DRC11: variants seen among roughly 807,000 people sequenced by gnomAD.
DRC11 encodes the protein dynein regulatory complex subunit 11.
At chr2:236,500,358 G>A in the DRC11 span, among the ~76,000 whole-genome samples, 1 of 152,104 alleles carries the variant, frequency 6.6e-6, no homozygotes, top group African/African-American at 2.4e-5. This position sits in a 1 kb window ranked among gnomAD's most constrained non-coding sequence, Gnocchi z 6.3. Context: ...TGACTTCATC[G>A]CTTCCCGTTT....
chr2:236,507,380 G>C, the DRC11 span: 1 of 1,106,104 alleles, frequency 9.0e-7, no homozygotes, highest in Non-Finnish European at 1.4e-6. Context: ...GGATTTGGGT[G>C]GGGGGTCTTC....
chr2:236,394,447 A>T, the DRC11 span, among the ~76,000 whole-genome samples: 1 of 152,210 alleles, frequency 6.6e-6, no homozygotes, highest in Admixed American at 6.5e-5. The surrounding 1 kb of genome is among the most constrained non-coding windows in gnomAD (Gnocchi z 7.0). Context: ...CCTGACGAAC[A>T]TGATGAAACC....
the DRC11 span, among the ~76,000 whole-genome samples, chr2:236,328,480 C>T: frequency 6.6e-6 from 1 of 152,074 alleles, no homozygotes; most frequent in Non-Finnish European, 1.5e-5. The surrounding 1 kb of genome is among the most constrained non-coding windows in gnomAD (Gnocchi z 6.7). Context: ...TGATGCTTCC[C>T]CATGGCAACC....
chr2:236,480,424 C>T, the DRC11 span, among the ~76,000 whole-genome samples: 1 of 152,054 alleles, frequency 6.6e-6, no homozygotes, highest in Admixed American at 6.6e-5. Context: ...CATTCCTTTT[C>T]ATTCTTTTTT....
chr2:236,396,283 G>T, the DRC11 span, among the ~76,000 whole-genome samples: 10 of 112,890 alleles, frequency 8.9e-5, no homozygotes, highest in Non-Finnish European at 1.2e-4. Flanking sequence ...TCACACGTGG[G>T]GGGGCAATGA....
the DRC11 span, chr2:236,368,383 T>A: frequency 1.4e-6 from 1 of 718,414 alleles, no homozygotes; most frequent in Non-Finnish European, 2.4e-6. Context: ...TGCAAAACGA[T>A]CGGAGAATAC....
At chr2:236,357,158 TCA>T in the DRC11 span, among the ~76,000 whole-genome samples, 1 of 122,188 alleles carries the variant, frequency 8.2e-6, no homozygotes, top group Non-Finnish European at 1.6e-5. Flanking sequence ...TATTATGTAT[TCA>T]TATATATCTA....
At chr2:236,362,194 T>C in the DRC11 span, among the ~76,000 whole-genome samples, 2 of 152,086 alleles carry the variant, frequency 1.3e-5, no homozygotes, top group Admixed American at 1.3e-4. The surrounding 1 kb of genome is among the most constrained non-coding windows in gnomAD (Gnocchi z 5.7). Context: ...TTTGAAATAC[T>C]AAAAAATATG....
the DRC11 span, among the ~76,000 whole-genome samples, chr2:236,358,018 GATATA>G: frequency 2.9e-5 from 3 of 104,510 alleles, no homozygotes; most frequent in African/African-American, 3.9e-5. Context: ...ATAATATATA[GATATA>G]ATATGAATAT....
chr2:236,453,897 C>T, the DRC11 span, among the ~76,000 whole-genome samples: 1 of 152,184 alleles, frequency 6.6e-6, no homozygotes, highest in African/African-American at 2.4e-5. The surrounding 1 kb of genome is among the most constrained non-coding windows in gnomAD (Gnocchi z 4.9). Flanking sequence ...CCGTCTTGGC[C>T]TCCCAAAGTG....
At chr2:236,443,291 T>C in the DRC11 span, among the ~76,000 whole-genome samples, 1 of 152,116 alleles carries the variant, frequency 6.6e-6, no homozygotes, top group East Asian at 1.9e-4. This position sits in a 1 kb window ranked among gnomAD's most constrained non-coding sequence, Gnocchi z 4.4. Flanking sequence ...ACCTTAGTAT[T>C]AAGCCCAGAG....
chr2:236,404,161 T>TAAAAAAAAAAAAAA, the DRC11 span, among the ~76,000 whole-genome samples: 1 of 91,554 alleles, frequency 1.1e-5, no homozygotes, highest in South Asian at 3.6e-4. Flanking sequence ...AATGGAGAGT[T>TAAAAAAAAAAAAAA]AAAAAAAAAA....
chr2:236,344,916 T>G, the DRC11 span, among the ~76,000 whole-genome samples: 1 of 146,568 alleles, frequency 6.8e-6, no homozygotes, highest in African/African-American at 2.6e-5. Context: ...GTAAACGTGC[T>G]TCTCTCTGGG....
the DRC11 span, among the ~76,000 whole-genome samples, chr2:236,375,137 A>G: frequency 0.05 from 7,606 of 152,122 alleles, 263 homozygotes; most frequent in Middle Eastern, 0.14. The surrounding 1 kb of genome is among the most constrained non-coding windows in gnomAD (Gnocchi z 4.2). Context: ...CGTCTCCAGT[A>G]CTGGGGATTA....
At chr2:236,338,619 G>T in the DRC11 span, among the ~76,000 whole-genome samples, 1 of 152,134 alleles carries the variant, frequency 6.6e-6, no homozygotes, top group East Asian at 1.9e-4. Context: ...AGATTTAGAG[G>T]GTGGGAAGGA....
the DRC11 span, among the ~76,000 whole-genome samples, chr2:236,344,065 G>A: frequency 2.0e-5 from 3 of 151,738 alleles, no homozygotes; most frequent in Non-Finnish European, 2.9e-5. Flanking sequence ...TTTGTGGGGG[G>A]AAGTGGTGGA....
At chr2:236,400,993 C>A in the DRC11 span, among the ~76,000 whole-genome samples, 9 of 152,170 alleles carry the variant, frequency 5.9e-5, no homozygotes, top group Non-Finnish European at 8.8e-5. The surrounding 1 kb of genome is among the most constrained non-coding windows in gnomAD (Gnocchi z 7.9). Context: ...TCTCTTCTCT[C>A]CTGCTGGAAG....
the DRC11 span, among the ~76,000 whole-genome samples, chr2:236,433,566 C>T: frequency 6.6e-6 from 1 of 152,192 alleles, no homozygotes; most frequent in African/African-American, 2.4e-5. Context: ...TGCACAACAG[C>T]GATTGCTTTC....
chr2:236,407,707 C>T, the DRC11 span: 1 of 261,830 alleles, frequency 3.8e-6, no homozygotes, highest in Non-Finnish European at 7.5e-6. Context: ...GCATCATTTC[C>T]CCCCTGTGAT....
Sources: gnomAD v4.1 joint callset for allele counts (sites outside exome capture counted in the v4.1 genomes callset) on GRCh38, gnomAD v4.1.1 for gene constraint, Gnocchi (gnomAD v3.1) non-coding constraint, MANE v1.5 for transcripts, NCBI Gene and HGNC (gene_info 2026-07-23, HGNC 2026-07-21) for gene names.